The following CDH26 variants were observed in gnomAD, a reference collection of about 807,000 sequenced individuals.
CDH26 encodes the protein cadherin 26, also known as cadherin-like protein 26.
A neutral mutation model predicts 90.3 loss-of-function variants in CDH26; 83 were observed. The observed-to-expected ratio is 0.92, with a 90% CI of 0.77 to 1.10. The LOEUF (loss-of-function observed/expected upper bound fraction) is 1.10, where lower values mean the gene tolerates loss of function less well. CDH26 is among the 50% of genes least tolerant of loss of function. The pLI, the probability that CDH26 is intolerant of heterozygous loss-of-function variation, is 0.00. For synonymous variants in CDH26, 397 were observed against 396.3 expected, an observed-to-expected ratio of 1.00 and a Z score of -0.02; for missense variants, 1,013 against 1,037.6, an observed-to-expected ratio of 0.98 and a Z score of 0.33.
downstream of CDH26, among the ~76,000 whole-genome samples, chr20:60,015,139 C>T (rs1468025087): frequency 2.0e-5 from 3 of 152,164 alleles, no homozygotes; most frequent in Admixed American, 2.0e-4. Context: ...CATGAGCCAC[C>T]ACGCCCAGTT....
intron 1 of CDH26, among the ~76,000 whole-genome samples, chr20:59,962,738 G>A (rs949676309): frequency 6.6e-6 from 1 of 152,170 alleles, no homozygotes; most frequent in African/African-American, 2.4e-5. Context: ...GTGGGTTCCC[G>A]AGGTGGTGGA....
chr20:59,985,260 A>G (rs1157880650), intron 7 of CDH26, 131 bp downstream of exon 7: 4 of 1,093,498 alleles, frequency 3.7e-6, no homozygotes, highest in African/African-American at 1.6e-5. Flanking sequence ...AGACTGGGTA[A>G]TTTATAAAGA....
chr20:60,011,895 G>A (rs981515334), intron 17 of CDH26, among the ~76,000 whole-genome samples: 10 of 152,182 alleles, frequency 6.6e-5, no homozygotes, highest in African/African-American at 2.4e-4. Flanking sequence ...TGTAGGGAGT[G>A]TCACAGAGAG....
At position 59,983,090 on chromosome 20, in the gene CDH26, T is replaced by C; in HGVS notation, c.541+20T>C. On this transcript the variant is annotated intron_variant, in intron 5 of 17. Coordinates refer to ENST00000348616, the MANE Select transcript of CDH26 (RefSeq NM_177980.4). ...CTGCAGGTGTGTGCGGCTGGGGGGC[T>C]GCCGGGCTTCCTTCTGTCTCTGCTC... 1.2e-6 allele frequency: 2 copies of C among 1,611,086 alleles called. No homozygotes were observed. Among genetic ancestry groups the C allele is most frequent in the African/African-American group, 1.3e-5 (1 of 74,834 alleles).
chr20:59,993,846 T>C (rs1210200177), intron 10 of CDH26, among the ~76,000 whole-genome samples: 4 of 152,352 alleles, frequency 2.6e-5, no homozygotes, highest in Admixed American at 1.3e-4. Context: ...AGGACTACAG[T>C]GTAACCTTGT....
rs199968044 is a variant in CDH26, at chr20:59,981,178, C to T, written c.394-1745C>T. Among the ~76,000 whole-genome samples, 17 of 152,180 alleles carry T rather than the reference C, an allele frequency of 1.1e-4. No individual in the cohort carries two copies. The East Asian group carries it at 3.1e-3, about 28-fold the overall frequency. On this transcript the variant is annotated intron_variant, in intron 4 of 17. Transcript: ENST00000348616. Reference sequence around the variant, plus strand: ...AAATTATATAGTGTGAGTCCTCTAACTTTGTGTTTCTTTTTCAAAATGATT... The same window carrying T: ...AAATTATATAGTGTGAGTCCTCTAATTTTGTGTTTCTTTTTCAAAATGATT...
chr20:59,994,357 T>C lies in CDH26; in HGVS notation c.1534T>C (p.Ser512Pro). The C allele has an allele frequency of 6.2e-7, 1 of 1,613,858 alleles. No homozygotes were observed. The highest frequency in any genetic ancestry group is 8.5e-7 in the Non-Finnish European group (1 of 1,179,982). The change falls in exon 11 of 18, where the codon TCT (serine) becomes CCT (proline). Residue 512 changes from serine to proline, a missense_variant. Coordinates refer to ENST00000348616, the MANE Select transcript of CDH26 (RefSeq NM_177980.4). ...PRSRYMEVCE[S>P]AVHEPLHIEA... is the part of the protein sequence containing the mutation. ...TTCCCGCTACATGGAGGTCTGTGAG[T>C]CTGCTGTGCATGAGCCCCTCCACAT...
At chr20:59,967,727 T>C (rs2061167924) in intron 1 of CDH26, among the ~76,000 whole-genome samples, 1 of 151,552 alleles carries the variant, frequency 6.6e-6, no homozygotes, top group Non-Finnish European at 1.5e-5. Context: ...CTCTCTTTCT[T>C]TCTTTCTTTC....
chr20:59,963,915 C>T (rs576930864), intron 1 of CDH26, among the ~76,000 whole-genome samples: 1 of 152,234 alleles, frequency 6.6e-6, no homozygotes, highest in South Asian at 2.1e-4. Flanking sequence ...AAACCTCTCT[C>T]CTCCATGGTC....
intron 3 of CDH26, among the ~76,000 whole-genome samples, chr20:59,970,660 A>C (rs1332698560): frequency 6.6e-6 from 1 of 151,746 alleles, no homozygotes. Flanking sequence ...AATACAAAAA[A>C]TTAACCAGGC....
Position 59,995,908 on chromosome 20 carries a change from A to G in CDH26, c.1742A>G (p.Lys581Arg). The change falls in exon 12 of 18, where the codon AAA (lysine) becomes AGA (arginine). Residue 581 changes from lysine to arginine, a missense_variant. Lys to Arg is a conservative substitution (Grantham distance 26). Coordinates refer to ENST00000348616, the MANE Select transcript of CDH26 (RefSeq NM_177980.4). Reference sequence around the variant, plus strand: ...TTGGTGCCACTCTTCATTGGAGACAAACAGGGACTTTCCCAGAAGCAAACT... The same window carrying G: ...TTGGTGCCACTCTTCATTGGAGACAGACAGGGACTTTCCCAGAAGCAAACT... The part of the protein sequence containing the change: ...NYLVPLFIGD[K>R]QGLSQKQTVH... The G allele has an allele frequency of 3.7e-6, 6 of 1,614,214 alleles. No individual in the cohort carries two copies. The highest frequency in any genetic ancestry group is 5.1e-6 in the Non-Finnish European group (6 of 1,180,028).
intron 17 of CDH26, among the ~76,000 whole-genome samples, chr20:60,008,096 G>A (rs916112260): frequency 2.6e-5 from 4 of 152,274 alleles, no homozygotes; most frequent in South Asian, 4.1e-4. Flanking sequence ...AAGCTGCCCA[G>A]GCCATTCTGA....
At chr20:60,011,221 G>A (rs1309583888) in intron 17 of CDH26, among the ~76,000 whole-genome samples, 1 of 152,212 alleles carries the variant, frequency 6.6e-6, no homozygotes, top group Non-Finnish European at 1.5e-5. Flanking sequence ...AGGTTTCAAG[G>A]TTGAGCAGCT....
In CDH26 at chr20:60,014,108, T is replaced by C. The variant is rs1601212759; in HGVS notation, c.*1378T>C. ...CTCCTTATACTTGCCTCTTTCATTC[T>C]GTCCCCTGTAGATTTTTAAAAAATT... is the stretch of plus-strand genomic sequence containing the variant. On this transcript the variant is annotated 3_prime_UTR_variant, in exon 18 of 18. Transcript: ENST00000348616. 6.6e-6 allele frequency: 1 copy of C among 152,318 alleles called. No homozygotes were observed. The highest frequency in any genetic ancestry group is 2.4e-5 in the African/African-American group (1 of 41,576). 9.4% of individuals were successfully genotyped at this position (152,318 alleles called of 1,614,324 possible).
chr20:60,021,191 CAT>C (rs1261340648), intron 7 of CDH26, among the ~76,000 whole-genome samples: 1 of 152,218 alleles, frequency 6.6e-6, no homozygotes, highest in Non-Finnish European at 1.5e-5. Flanking sequence ...CTCCCAGAAA[CAT>C]ATACTTCTGA....
At chr20:60,015,073 T>C (rs913449734), downstream of CDH26, among the ~76,000 whole-genome samples, 16 of 152,208 alleles carry the variant, frequency 1.1e-4, no homozygotes, top group Non-Finnish European at 2.1e-4. Context: ...ACCTCTCCAC[T>C]TCCTGGGTTG....
At chr20:60,033,589 A>G (rs1050768470) in exon 9 of CDH26, 4 of 1,304,638 alleles carry the variant, frequency 3.1e-6, no homozygotes, top group Non-Finnish European at 4.0e-6. Context: ...CGCATTCCCC[A>G]TCACCCCTTA....
At chr20:59,989,231 G>A in intron 9 of CDH26, 68 bp downstream of exon 9, 1 of 1,590,192 alleles carries the variant, frequency 6.3e-7, no homozygotes, top group South Asian at 1.1e-5. Context: ...GAGGGCTCCT[G>A]TTAGAAAACC....
At chr20:60,031,073 T>C (rs2062036361) in intron 7 of CDH26, among the ~76,000 whole-genome samples, 2 of 152,216 alleles carry the variant, frequency 1.3e-5, no homozygotes, top group South Asian at 4.1e-4. Context: ...GGGTTATTCA[T>C]GCTTCCCCTT....
Sources: allele counts gnomAD v4.1 joint callset (sites outside exome capture counted in the v4.1 genomes callset), GRCh38; gene constraint gnomAD v4.1.1; transcripts MANE v1.5; gene names NCBI Gene and HGNC (gene_info 2026-07-23, HGNC 2026-07-21).